Variants in CMIP observed in about 807,000 individuals in gnomAD.
The protein encoded by CMIP is C-Maf-inducing protein.
A neutral mutation model predicts 97.3 loss-of-function variants in CMIP; 13 were observed. That is an observed-to-expected ratio of 0.13 (90% CI 0.09 to 0.21). The LOEUF (loss-of-function observed/expected upper bound fraction) is 0.21. CMIP is among the 10% of genes least tolerant of loss of function. The pLI is 1.00. For missense variants in CMIP, 847 were observed against 1,024.9 expected (o/e 0.83, Z 2.37); for synonymous variants, 538 against 436.3 (o/e 1.23, Z -2.91).
chr16:81,695,123 C>T lies in CMIP; in HGVS notation c.1531-1437C>T, dbSNP rs575569842. The stretch of plus-strand genomic sequence containing the variant: ...TCAAACCAGGGAAATGTGCATGAGG[C>T]CCCGAGTGACCTGCCGGTCTGGAAG... On this transcript the variant is annotated intron_variant, in intron 13 of 20. Transcript: ENST00000537098. Among the ~76,000 whole-genome samples, 8 of 152,330 alleles carry T rather than the reference C, an allele frequency of 5.3e-5. No individual in the cohort carries two copies. The South Asian group carries it at 1.0e-3, about 20-fold the overall frequency.
chr16:81,670,763 T>A (rs926160756), intron 8 of CMIP, among the ~76,000 whole-genome samples: 2 of 152,050 alleles, frequency 1.3e-5, no homozygotes, highest in African/African-American at 4.8e-5. Flanking sequence ...ACACAACACA[T>A]GGAGAATGCT....
intron 1 of CMIP, among the ~76,000 whole-genome samples, chr16:81,482,532 T>C (rs972493957): frequency 1.3e-5 from 2 of 152,078 alleles, no homozygotes; most frequent in Admixed American, 6.6e-5. Context: ...ACCTGCTAAG[T>C]AGCTTCTGGA....
chr16:81,672,182 T>C (rs560710189), intron 9 of CMIP, 112 bp downstream of exon 9: 9 of 643,676 alleles, frequency 1.4e-5, no homozygotes, highest in Admixed American at 9.5e-5. Flanking sequence ...AGTGGCTGTT[T>C]ACTGGGCAGA....
chr16:81,510,195 C>G (rs1180043410), intron 1 of CMIP, among the ~76,000 whole-genome samples: 1 of 152,136 alleles, frequency 6.6e-6, no homozygotes, highest in Admixed American at 6.5e-5. Flanking sequence ...TGTTATAGTT[C>G]TCAAGGTCTG....
At chr16:81,491,184 C>A (rs1312076152) in intron 1 of CMIP, among the ~76,000 whole-genome samples, 1 of 152,116 alleles carries the variant, frequency 6.6e-6, no homozygotes, top group Non-Finnish European at 1.5e-5. Flanking sequence ...ACGGTGTCAC[C>A]CATCACAGGG....
chr16:81,574,164 G>T (rs755616493), intron 1 of CMIP, among the ~76,000 whole-genome samples: 1 of 152,234 alleles, frequency 6.6e-6, no homozygotes, highest in South Asian at 2.1e-4. Flanking sequence ...ATCGTAGTAC[G>T]TTCTGTTGGG....
chr16:81,703,053 G>C (rs575876581), intron 17 of CMIP, among the ~76,000 whole-genome samples: 1 of 152,034 alleles, frequency 6.6e-6, no homozygotes, highest in South Asian at 2.1e-4. Flanking sequence ...GGTCTTTAAG[G>C]GTCTTATTTC....
At chr16:81,450,961 A>G (rs1906170489) in intron 1 of CMIP, among the ~76,000 whole-genome samples, 1 of 152,152 alleles carries the variant, frequency 6.6e-6, no homozygotes, top group Admixed American at 6.5e-5. Flanking sequence ...TCTTCACTGG[A>G]CAGTATATTT....
At chr16:81,562,063 G>A (rs1313062084) in intron 1 of CMIP, among the ~76,000 whole-genome samples, 1 of 152,228 alleles carries the variant, frequency 6.6e-6, no homozygotes, top group African/African-American at 2.4e-5. Flanking sequence ...ACACTCGTGG[G>A]TTAGATGTAA....
chr16:81,478,681 G>T (rs981875552), intron 1 of CMIP, among the ~76,000 whole-genome samples: 8 of 152,170 alleles, frequency 5.3e-5, no homozygotes, highest in Non-Finnish European at 1.2e-4. Flanking sequence ...GTGGGAAGAA[G>T]TTGGCACCTG....
chr16:81,514,139 CTA>C (rs1172170946), intron 1 of CMIP, among the ~76,000 whole-genome samples: 1 of 152,192 alleles, frequency 6.6e-6, no homozygotes, highest in African/African-American at 2.4e-5. Flanking sequence ...CATGTATTTA[CTA>C]TAGAAGAGAC....
intron 1 of CMIP, chr16:81,476,284 T>C (rs1328051716): frequency 6.4e-6 from 10 of 1,552,838 alleles, no homozygotes; most frequent in Non-Finnish European, 8.9e-6. Flanking sequence ...TTTCTCCCCA[T>C]AGATGGACTT....
At chr16:81,615,091 T>C (rs1023356826) in intron 2 of CMIP, among the ~76,000 whole-genome samples, 5 of 126,134 alleles carry the variant, frequency 4.0e-5, no homozygotes, top group Non-Finnish European at 8.5e-5. Context: ...TGTCTTTGTG[T>C]GTATGAGGTG....
intron 4 of CMIP, among the ~76,000 whole-genome samples, chr16:81,657,328 C>T (rs146226899): frequency 3.6e-3 from 553 of 152,288 alleles, no homozygotes; most frequent in African/African-American, 0.012. Context: ...ACGTGTTACT[C>T]CTAAAAGGCT....
chr16:81,680,569 C>G (rs1031748643), intron 10 of CMIP, among the ~76,000 whole-genome samples: 1 of 152,218 alleles, frequency 6.6e-6, no homozygotes, highest in Non-Finnish European at 1.5e-5. Context: ...CCTCGTGGTC[C>G]CAGCAGCAGA....
rs952537921 is a variant in CMIP, at chr16:81,462,382, A to G, written c.300+16841A>G. Reference sequence around the variant, plus strand: ...AACTATGTGTTTTTTAGCATCCATAATATAGGCATTCTTAGGGATTCATGG... The same window carrying G: ...AACTATGTGTTTTTTAGCATCCATAGTATAGGCATTCTTAGGGATTCATGG... On this transcript the variant is annotated intron_variant, in intron 1 of 20. Transcript: ENST00000537098. Among the ~76,000 whole-genome samples, 4 of 152,286 alleles carry G rather than the reference A, an allele frequency of 2.6e-5. 1 individual carries two copies. The highest frequency in any genetic ancestry group is 9.6e-5 in the African/African-American group (4 of 41,560).
chr16:81,677,841 G>T (rs567851545), intron 9 of CMIP, among the ~76,000 whole-genome samples: 33 of 152,274 alleles, frequency 2.2e-4, no homozygotes, highest in African/African-American at 7.5e-4. Flanking sequence ...ATGAGGTCAG[G>T]GATTGGAGGG....
intron 8 of CMIP, among the ~76,000 whole-genome samples, chr16:81,671,442 ACT>A (rs1169306891): frequency 6.6e-6 from 1 of 152,178 alleles, no homozygotes; most frequent in African/African-American, 2.4e-5. Context: ...TATGTTGGTG[ACT>A]CTATGCTAAG....
At chr16:81,694,323 G>A (rs941169180) in intron 13 of CMIP, among the ~76,000 whole-genome samples, 2 of 152,172 alleles carry the variant, frequency 1.3e-5, no homozygotes, top group South Asian at 2.1e-4. Flanking sequence ...ACCTAGACTC[G>A]TGCTCCCGGC....
Sources: allele counts gnomAD v4.1 joint callset (sites outside exome capture counted in the v4.1 genomes callset), GRCh38; gene constraint gnomAD v4.1.1; transcripts MANE v1.5; gene names NCBI Gene and HGNC (gene_info 2026-07-23, HGNC 2026-07-21).